Variants in PTPN14 observed in about 807,000 individuals in gnomAD.
The protein encoded by PTPN14 is protein tyrosine phosphatase non-receptor type 14.
Under a neutral mutation model 126.8 loss-of-function variants are expected in PTPN14, and 53 were observed. That is an observed-to-expected ratio of 0.42 (90% confidence interval 0.34 to 0.53). The LOEUF is 0.53. PTPN14 is among the 20% of genes least tolerant of loss of function. The pLI, the probability that PTPN14 is intolerant of heterozygous loss-of-function variation, is 0.08. For synonymous variants in PTPN14, 630 were observed against 599.3 expected (o/e 1.05, Z -0.75); for missense variants, 1,257 against 1,552.9 (o/e 0.81, Z 3.20).
intron 3 of PTPN14, among the ~76,000 whole-genome samples, chr1:214,437,084 C>T (rs1446419144): frequency 6.6e-6 from 1 of 151,190 alleles, no homozygotes; most frequent in East Asian, 1.9e-4. Context: ...TGAACCAGTG[C>T]CAGAAATAAT....
chr1:214,506,003 CAGAGACAG>C (rs1196174809), intron 1 of PTPN14, among the ~76,000 whole-genome samples: 2 of 152,158 alleles, frequency 1.3e-5, no homozygotes, highest in African/African-American at 4.8e-5. Context: ...AGCCCAGACA[CAGAGACAG>C]AGAGACACTG....
At chr1:214,512,067 A>C (rs1295791760) in intron 1 of PTPN14, among the ~76,000 whole-genome samples, 3 of 152,046 alleles carry the variant, frequency 2.0e-5, no homozygotes, top group Non-Finnish European at 2.9e-5. Context: ...AGGGCTAGTA[A>C]ATTCTGAGGC....
chr1:214,461,858 C>G (rs1475726209), intron 2 of PTPN14, among the ~76,000 whole-genome samples: 13 of 152,152 alleles, frequency 8.5e-5, no homozygotes. Flanking sequence ...TGGTTGTCAC[C>G]TTCTCCTCTA....
intron 3 of PTPN14, among the ~76,000 whole-genome samples, chr1:214,430,482 A>T (rs1659774777): frequency 1.3e-5 from 2 of 152,212 alleles, no homozygotes; most frequent in Admixed American, 6.5e-5. Context: ...AACACATTTA[A>T]ATCAGTAGAC....
chr1:214,392,830 C>T (rs1658789190), intron 10 of PTPN14, among the ~76,000 whole-genome samples: 3 of 152,270 alleles, frequency 2.0e-5, no homozygotes, highest in South Asian at 4.2e-4. Flanking sequence ...CATGACCTGG[C>T]GCTCCAGCTA....
intron 17 of PTPN14, 140 bp downstream of exon 17, chr1:214,369,317 G>A: frequency 1.4e-6 from 1 of 737,148 alleles, no homozygotes; most frequent in Non-Finnish European, 2.3e-6. Flanking sequence ...TAGTAAGAAA[G>A]GAATATATAT....
chr1:214,437,109 C>G (rs1422404440), intron 3 of PTPN14, among the ~76,000 whole-genome samples: 1 of 151,338 alleles, frequency 6.6e-6, no homozygotes, highest in Admixed American at 6.6e-5. Context: ...TTTCAAATAA[C>G]TGATAATGGA....
At position 214,451,948 on chromosome 1, in the gene PTPN14, G is replaced by A; in HGVS notation, c.201C>T (p.Leu67=). Residue 67 remains leucine (L), a synonymous_variant, in exon 3 of 19, where the codon CTC becomes CTT. Coordinates refer to ENST00000366956, the MANE Select transcript of PTPN14 (RefSeq NM_005401.5). ...CCCATCGTGCTTGCTGGCTCTTGCTGAGAAACCAAAGGCCAAAGTAGTGCG... is the reference window on the plus strand; with the variant it reads ...CCCATCGTGCTTGCTGGCTCTTGCTAAGAAACCAAAGGCCAAAGTAGTGCG... The part of the protein sequence containing the change: ...RETHYFGLWF[L]SKSQQARWVE... 1.9e-6 allele frequency: 3 copies of A among 1,614,072 alleles called. No individual in the cohort carries two copies. Among genetic ancestry groups the A allele is most frequent in the Non-Finnish European group, 2.5e-6 (3 of 1,179,980 alleles).
At chr1:214,470,759 G>A (rs1308982732) in intron 1 of PTPN14, among the ~76,000 whole-genome samples, 1 of 146,294 alleles carries the variant, frequency 6.8e-6, no homozygotes, top group East Asian at 2.0e-4. Context: ...ACTCCAGCCT[G>A]GGCAATAAGA....
chr1:214,481,434 C>T (rs1330502187), intron 1 of PTPN14, among the ~76,000 whole-genome samples: 1 of 132,676 alleles, frequency 7.5e-6, no homozygotes, highest in Admixed American at 9.1e-5. Flanking sequence ...TTGCTCGAAC[C>T]TGGGAGGCCA....
intron 1 of PTPN14, among the ~76,000 whole-genome samples, chr1:214,513,489 G>T (rs1420597180): frequency 6.6e-6 from 1 of 151,512 alleles, no homozygotes; most frequent in Non-Finnish European, 1.5e-5. Flanking sequence ...TTCAGTCTAG[G>T]CACAATTATC....
At chr1:214,379,121 G>A (rs1262726827) in intron 13 of PTPN14, among the ~76,000 whole-genome samples, 3 of 152,184 alleles carry the variant, frequency 2.0e-5, no homozygotes, top group Non-Finnish European at 4.4e-5. Flanking sequence ...TTGAAGTTAA[G>A]GGAAGAACAC....
At chr1:214,495,956 A>G (rs1186796264) in intron 1 of PTPN14, among the ~76,000 whole-genome samples, 1 of 152,084 alleles carries the variant, frequency 6.6e-6, no homozygotes, top group African/African-American at 2.4e-5. Flanking sequence ...CGGCCTCCCA[A>G]AGTGCTGGGA....
Position 214,416,836 on chromosome 1 carries a change from TATG to T in PTPN14, c.345-2113_345-2111del, listed in dbSNP as rs1291719756. On this transcript the variant is annotated intron_variant, in intron 3 of 18. Transcript: ENST00000366956. Reference sequence around the variant, plus strand: ...TATAAAATATTATAATTCTATCGAATATGATGACTAAATTTGACAACAGGAGTT... The same window carrying T: ...TATAAAATATTATAATTCTATCGAATATGACTAAATTTGACAACAGGAGTT... Among the ~76,000 whole-genome samples, 6 of 152,328 alleles carry T rather than the reference TATG, an allele frequency of 3.9e-5. No homozygotes were observed. In the South Asian group the frequency reaches 1.0e-3, roughly 26 times the overall value.
intron 2 of PTPN14, among the ~76,000 whole-genome samples, chr1:214,455,398 A>G (rs1341818105): frequency 1.3e-5 from 2 of 152,236 alleles, no homozygotes; most frequent in Non-Finnish European, 2.9e-5. Context: ...ATATTACCTG[A>G]GTAAATGCCT....
At chr1:214,417,968 AG>A (rs1448030081) in intron 3 of PTPN14, among the ~76,000 whole-genome samples, 1 of 152,216 alleles carries the variant, frequency 6.6e-6, no homozygotes, top group East Asian at 1.9e-4. Flanking sequence ...CGTAAGTCAC[AG>A]GATGGTGAAG....
chr1:214,447,523 T>C (rs1660173183), intron 3 of PTPN14, among the ~76,000 whole-genome samples: 1 of 152,088 alleles, frequency 6.6e-6, no homozygotes, highest in African/African-American at 2.4e-5. Context: ...CCCAAATAAA[T>C]GTAATTCCTT....
intron 3 of PTPN14, among the ~76,000 whole-genome samples, chr1:214,427,598 G>A (rs781297976): frequency 5.3e-5 from 8 of 152,132 alleles, no homozygotes; most frequent in African/African-American, 1.9e-4. Flanking sequence ...ATATCACAGT[G>A]AACAAAACAA....
At chr1:214,537,603 T>C (rs1304343710) in intron 1 of PTPN14, among the ~76,000 whole-genome samples, 1 of 152,212 alleles carries the variant, frequency 6.6e-6, no homozygotes, top group East Asian at 1.9e-4. Flanking sequence ...ACACGGTAAG[T>C]ACTATACTAA....
Sources: gnomAD v4.1 joint callset for allele counts (sites outside exome capture counted in the v4.1 genomes callset) on GRCh38, gnomAD v4.1.1 for gene constraint, MANE v1.5 for transcripts, NCBI Gene and HGNC (gene_info 2026-07-23, HGNC 2026-07-21) for gene names.